Variants in ASXL3 observed in about 807,000 individuals in gnomAD.
ASXL3 encodes ASXL transcriptional regulator 3.
In ASXL3, 34 loss-of-function variants were observed where a neutral mutation model predicts 170.6. The ratio of observed to expected loss-of-function variants is 0.20; its 90% confidence interval spans 0.15 to 0.27. The LOEUF is 0.27. ASXL3 is among the 10% of genes least tolerant of loss of function. ASXL3 has a pLI of 1.00. For synonymous variants in ASXL3, 1,002 were observed against 989.1 expected (o/e 1.01, Z -0.24); for missense variants, 2,592 against 2,695.3 (o/e 0.96, Z 0.85).
intron 2 of ASXL3, chr18:33,614,694 AT>A (rs2065392829): frequency 6.6e-6 from 1 of 152,170 alleles, no homozygotes; most frequent in Non-Finnish European, 1.5e-5. Flanking sequence ...TTATTCCTTG[AT>A]TTATGGACTG....
chr18:33,662,064 T>C (rs951744507), intron 5 of ASXL3, among the ~76,000 whole-genome samples: 1 of 152,196 alleles, frequency 6.6e-6, no homozygotes, highest in African/African-American at 2.4e-5. Flanking sequence ...ATTTAAAAAA[T>C]AACATCTATG....
rs116764561 is a variant in ASXL3 at position 33,620,943 on chromosome 18, A to G, written c.137+13267A>G. ...TGTGTCCTTTGGTAAAAAGAAGGCC[A>G]GGACTAGTTTCCACATGGACCATTT... On this transcript the variant is annotated intron_variant, in intron 2 of 11. Coordinates refer to ENST00000269197, the MANE Select transcript of ASXL3 (RefSeq NM_030632.3). Among the ~76,000 whole-genome samples the G allele has an allele frequency of 2.8e-3, 419 of 152,268 alleles. 5 individuals carry two copies. Among genetic ancestry groups the G allele is most frequent in the African/African-American group, 9.3e-3 (388 of 41,564 alleles).
chr18:33,652,792 C>T (rs1004292603), intron 4 of ASXL3, among the ~76,000 whole-genome samples: 2 of 151,874 alleles, frequency 1.3e-5, no homozygotes, highest in African/African-American at 2.4e-5. Flanking sequence ...ACTCAGCTCA[C>T]TCTTTGTTTT....
At chr18:33,699,960 A>T (rs536927113) in intron 8 of ASXL3, among the ~76,000 whole-genome samples, 1 of 152,060 alleles carries the variant, frequency 6.6e-6, no homozygotes, top group Non-Finnish European at 1.5e-5. Flanking sequence ...TATAATTAGC[A>T]TACTTTTTGA....
At position 33,746,800 on chromosome 18, in the gene ASXL3, T is replaced by A. The variant is rs1006953001; in HGVS notation, c.*205T>A. The A allele has an allele frequency of 2.6e-6, 2 of 778,322 alleles. No individual in the cohort carries two copies. Among genetic ancestry groups the A allele is most frequent in the African/African-American group, 3.5e-5 (2 of 57,474 alleles). 48.2% of individuals were successfully genotyped at this position (778,322 alleles called of 1,614,324 possible). A position where few individuals can be genotyped will look rare whatever the true frequency, so the allele number is the denominator to read the frequency against. The stretch of plus-strand genomic sequence containing the variant: ...CTGAATGGCTCACTGGCATGTCTTT[T>A]ATGTGTTCAGTTGCCATTCCTAGCT... On this transcript the variant is annotated 3_prime_UTR_variant, in exon 12 of 12. Transcript: ENST00000269197.
At chr18:33,591,250 C>G (rs894365882) in intron 1 of ASXL3, among the ~76,000 whole-genome samples, 1 of 152,150 alleles carries the variant, frequency 6.6e-6, no homozygotes, top group Non-Finnish European at 1.5e-5. Flanking sequence ...CCTTCTCCCT[C>G]TTTTTAACAC....
In ASXL3 at chr18:33,659,198, A is replaced by G. The variant is rs577174525; in HGVS notation, c.356-2418A>G. Reference sequence around the variant, plus strand: ...GATGCGAGGCCTCAATTACATGTACACTGGGTCAGAATTTGTTATTATTTA... The same window carrying G: ...GATGCGAGGCCTCAATTACATGTACGCTGGGTCAGAATTTGTTATTATTTA... On this transcript the variant is annotated intron_variant, in intron 4 of 11. Coordinates refer to ENST00000269197, the MANE Select transcript of ASXL3 (RefSeq NM_030632.3). Among the ~76,000 whole-genome samples the G allele has an allele frequency of 3.9e-5, 6 of 152,186 alleles. No homozygotes were observed. In the East Asian group the frequency reaches 7.7e-4, roughly 20 times the overall value.
At chr18:33,702,298 C>CT (rs1004351312) in intron 8 of ASXL3, among the ~76,000 whole-genome samples, 36 of 151,408 alleles carry the variant, frequency 2.4e-4, no homozygotes, top group Admixed American at 6.6e-4. Context: ...CTCTCTTACT[C>CT]TTTTTTTTTG....
intron 11 of ASXL3, among the ~76,000 whole-genome samples, chr18:33,742,433 G>C (rs1008219728): frequency 6.6e-6 from 1 of 152,172 alleles, no homozygotes; most frequent in Non-Finnish European, 1.5e-5. Flanking sequence ...GAGAATTCTA[G>C]TTGTCAATAT....
intron 1 of ASXL3, among the ~76,000 whole-genome samples, chr18:33,588,179 C>G (rs1034880467): frequency 5.3e-5 from 8 of 151,996 alleles, no homozygotes; most frequent in African/African-American, 1.9e-4. Flanking sequence ...TAAGATTTCC[C>G]TTAACATCTA....
rs2067639628 is a variant in ASXL3 at position 33,740,281 on chromosome 18, A to G, written c.2877A>G (p.Ser959=). The G allele has an allele frequency of 1.2e-6, 2 of 1,612,796 alleles. No homozygotes were observed. Among genetic ancestry groups the G allele is most frequent in the Non-Finnish European group, 1.7e-6 (2 of 1,179,286 alleles). ...PDGIRNESRD[S]EISKRKTAEQ... ...GGATAAGAAATGAAAGTAGAGATTCAGAGATATCAAAGAGAAAAACTGCAG... is the reference window on the plus strand; with the variant it reads ...GGATAAGAAATGAAAGTAGAGATTCGGAGATATCAAAGAGAAAAACTGCAG... Residue 959 remains serine (S), a synonymous_variant, in exon 11 of 12, where the codon TCA becomes TCG. Transcript: ENST00000269197.
In ASXL3 at chr18:33,739,796, A is replaced by G. The variant is rs1158241156; in HGVS notation, c.2392A>G (p.Thr798Ala). 1 of 1,613,648 alleles carries G rather than the reference A, an allele frequency of 6.2e-7. No individual in the cohort carries two copies. Among genetic ancestry groups the G allele is most frequent in the Non-Finnish European group, 8.5e-7 (1 of 1,179,790 alleles). Residue 798 changes from threonine (T) to alanine (A), a missense_variant, in exon 11 of 12, where the codon ACC (threonine) becomes GCC (alanine). Coordinates refer to ENST00000269197, the MANE Select transcript of ASXL3 (RefSeq NM_030632.3). ...TGCCAAACCTCTGGGAGAGAACCTT[A>G]CCTCCCAGCAGAAGAATCTGTCTAA... ...ATAKPLGENL[T>A]SQQKNLSNTP...
At chr18:33,717,274 G>A (rs1339524921) in intron 8 of ASXL3, among the ~76,000 whole-genome samples, 1 of 152,112 alleles carries the variant, frequency 6.6e-6, no homozygotes, top group African/African-American at 2.4e-5. Context: ...TTTCAAAGTA[G>A]AGAGTCACTT....
intron 1 of ASXL3, among the ~76,000 whole-genome samples, chr18:33,587,869 A>G (rs1040260238): frequency 2.0e-5 from 3 of 152,022 alleles, no homozygotes; most frequent in Non-Finnish European, 4.4e-5. Context: ...TCGGCTGATT[A>G]TTTTTTATCC....
At chr18:33,585,990 C>T (rs2065031217) in intron 1 of ASXL3, among the ~76,000 whole-genome samples, 1 of 146,470 alleles carries the variant, frequency 6.8e-6, no homozygotes, top group South Asian at 2.1e-4. Flanking sequence ...TTAAAAAAAT[C>T]AAAGTCAATC....
In ASXL3 at chr18:33,742,906, G is replaced by C; in HGVS notation, c.3058G>C (p.Gly1020Arg). The C allele has an allele frequency of 1.3e-6, 2 of 1,587,864 alleles. No homozygotes were observed. Among genetic ancestry groups the C allele is most frequent in the Non-Finnish European group, 8.5e-7 (1 of 1,170,200 alleles). Reference protein sequence around the residue: ...PPLKIQLSKIGPPFIIKSQPV... With the variant: ...PPLKIQLSKIRPPFIIKSQPV... The stretch of plus-strand genomic sequence containing the variant: ...CTTTTAGATTCAGCTTTCCAAAATT[G>C]GGCCACCTTTTATAATCAAGAGCCA... The change falls in exon 12 of 12, where the codon GGG (glycine) becomes CGG (arginine). Residue 1020 changes from glycine to arginine, a missense_variant. Gly to Arg is a moderately radical substitution (Grantham distance 125, BLOSUM62 -2). Coordinates refer to ENST00000269197, the MANE Select transcript of ASXL3 (RefSeq NM_030632.3).
At chr18:33,609,715 GAA>G (rs902194168) in intron 2 of ASXL3, among the ~76,000 whole-genome samples, 28 of 151,776 alleles carry the variant, frequency 1.8e-4, no homozygotes, top group African/African-American at 6.3e-4. Flanking sequence ...CTTCTGTAAG[GAA>G]AAAGAGTCCT....
chr18:33,695,512 T>C (rs533633406), intron 8 of ASXL3, among the ~76,000 whole-genome samples: 12 of 152,274 alleles, frequency 7.9e-5, no homozygotes, highest in Non-Finnish European at 1.6e-4. Flanking sequence ...ATTTTACCTA[T>C]ATATTATTCA....
intron 4 of ASXL3, among the ~76,000 whole-genome samples, chr18:33,655,109 G>A (rs770559382): frequency 1.3e-5 from 2 of 151,984 alleles, no homozygotes; most frequent in Non-Finnish European, 2.9e-5. Flanking sequence ...GCAGGTGAAC[G>A]ACATTTGCAT....
Sources: gnomAD v4.1 joint callset for allele counts (sites outside exome capture counted in the v4.1 genomes callset) on GRCh38, gnomAD v4.1.1 for gene constraint, MANE v1.5 for transcripts, NCBI Gene and HGNC (gene_info 2026-07-23, HGNC 2026-07-21) for gene names.